The following PDE1C variants were observed in gnomAD, a reference collection of about 807,000 sequenced individuals.
PDE1C encodes dual specificity calcium/calmodulin-dependent 3',5'-cyclic nucleotide phosphodiesterase 1C.
In PDE1C, 62 loss-of-function variants were observed where a neutral mutation model predicts 93.1. The observed-to-expected ratio is 0.67, with a 90% confidence interval of 0.54 to 0.82. The LOEUF is 0.82. Among genes scored for constraint, PDE1C ranks in the 40% least tolerant of loss-of-function variants. The pLI is 0.00. For missense variants in PDE1C, 742 were observed against 884.6 expected (o/e 0.84, Z 2.04); for synonymous variants, 325 against 310.1 (o/e 1.05, Z -0.50).
chr7:31,802,823 G>A (rs962700762), intron 16 of PDE1C, among the ~76,000 whole-genome samples: 1 of 151,420 alleles, frequency 6.6e-6, no homozygotes, highest in African/African-American at 2.4e-5. Flanking sequence ...TTTTTCTCTG[G>A]CAGTTTTTAA....
At chr7:32,001,560 G>GC (rs1163636073) in intron 2 of PDE1C, among the ~76,000 whole-genome samples, 3 of 152,162 alleles carry the variant, frequency 2.0e-5, no homozygotes, top group African/African-American at 7.2e-5. Flanking sequence ...CCATAAAGGA[G>GC]TTCATCACTG....
chr7:32,344,475 C>T (rs1429949699), intron 1 of PDE1C, among the ~76,000 whole-genome samples: 1 of 152,160 alleles, frequency 6.6e-6, no homozygotes. Flanking sequence ...CTCGCTTTTC[C>T]TTGTTCATTC....
chr7:32,388,678 TAAAAAAAAAAAAAAA>T (rs5883343), intron 1 of PDE1C, among the ~76,000 whole-genome samples: 2 of 81,580 alleles, frequency 2.5e-5, no homozygotes, highest in East Asian at 7.6e-4. Flanking sequence ...GTCCCATTTC[TAAAAAAAAAAAAAAA>T]AAAAAAAAAA....
the PDE1C span, among the ~76,000 whole-genome samples, chr7:31,689,616 C>T: frequency 6.6e-6 from 1 of 152,136 alleles, no homozygotes; most frequent in African/African-American, 2.4e-5. Context: ...AAGAGCGCCC[C>T]TTCTCACTGA....
At chr7:32,269,502 T>G (rs1352009973) in intron 1 of PDE1C, among the ~76,000 whole-genome samples, 1 of 152,154 alleles carries the variant, frequency 6.6e-6, no homozygotes, top group Admixed American at 6.5e-5. Flanking sequence ...TCTTTTTAGA[T>G]GGAGTCTCGC....
At chr7:32,051,637 G>T in intron 1 of PDE1C, 57 bp from the exon 2 acceptor site, 1 of 1,476,342 alleles carries the variant, frequency 6.8e-7, no homozygotes, top group Non-Finnish European at 9.5e-7. Context: ...CAGTGGGTAA[G>T]AAAGGGATTA....
At chr7:31,882,084 G>GA (rs1328300073) in intron 2 of PDE1C, among the ~76,000 whole-genome samples, 2 of 151,992 alleles carry the variant, frequency 1.3e-5, no homozygotes, top group African/African-American at 2.4e-5. Context: ...TAAAGAATGA[G>GA]AAAAAATCTT....
At chr7:31,750,720 T>G (rs1794104682), downstream of PDE1C, among the ~76,000 whole-genome samples, 1 of 152,172 alleles carries the variant, frequency 6.6e-6, no homozygotes, top group Non-Finnish European at 1.5e-5. Context: ...AATTGTTTTT[T>G]TTGTTTTGTT....
At chr7:32,401,861 G>A (rs1295753802) in intron 1 of PDE1C, among the ~76,000 whole-genome samples, 1 of 152,158 alleles carries the variant, frequency 6.6e-6, no homozygotes, top group Non-Finnish European at 1.5e-5. Flanking sequence ...GAGAATATGG[G>A]CTTCAGTTTG....
At chr7:32,130,953 G>A (rs1030973189) in intron 3 of PDE1C, among the ~76,000 whole-genome samples, 4 of 151,530 alleles carry the variant, frequency 2.6e-5, no homozygotes, top group African/African-American at 9.7e-5. Context: ...ACTTTTACTG[G>A]GCATTTTGTG....
chr7:32,257,857 C>T (rs188593950), intron 1 of PDE1C, among the ~76,000 whole-genome samples: 11 of 152,278 alleles, frequency 7.2e-5, no homozygotes, highest in Admixed American at 5.9e-4. Flanking sequence ...GGAGCAGAAC[C>T]AAATATCCTC....
At chr7:32,077,002 C>T (rs1002494469) in intron 3 of PDE1C, among the ~76,000 whole-genome samples, 5 of 151,318 alleles carry the variant, frequency 3.3e-5, no homozygotes, top group Non-Finnish European at 7.4e-5. Flanking sequence ...TTTTGGAGGC[C>T]GAGGCAGGCA....
At chr7:31,639,982 A>G in the PDE1C span, among the ~76,000 whole-genome samples, 16 of 152,164 alleles carry the variant, frequency 1.1e-4, no homozygotes, top group Non-Finnish European at 2.1e-4. Flanking sequence ...ATTTTTTAAT[A>G]TATGCCACAC....
At chr7:31,680,333 G>A in the PDE1C span, among the ~76,000 whole-genome samples, 3 of 152,156 alleles carry the variant, frequency 2.0e-5, no homozygotes, top group South Asian at 4.1e-4. Context: ...CCGTTTCATT[G>A]ATGCAGGAGA....
At chr7:31,706,336 C>A in the PDE1C span, among the ~76,000 whole-genome samples, 1 of 151,922 alleles carries the variant, frequency 6.6e-6, no homozygotes, top group Non-Finnish European at 1.5e-5. Flanking sequence ...TAGTGTGGAG[C>A]CCAACATAGG....
intron 3 of PDE1C, among the ~76,000 whole-genome samples, chr7:32,083,779 T>A (rs1356273071): frequency 6.6e-6 from 1 of 151,938 alleles, no homozygotes; most frequent in African/African-American, 2.4e-5. Context: ...AGAAATAAAA[T>A]ACTTTACAGA....
intron 3 of PDE1C, among the ~76,000 whole-genome samples, chr7:32,128,836 C>T (rs1422418097): frequency 7.1e-6 from 1 of 140,044 alleles, no homozygotes; most frequent in Non-Finnish European, 1.5e-5. Flanking sequence ...GGGAAGCTTG[C>T]CATTAAACAA....
intron 3 of PDE1C, among the ~76,000 whole-genome samples, chr7:32,168,090 CAATAAATA>C (rs148238877): frequency 1.3e-5 from 2 of 151,852 alleles, no homozygotes; most frequent in African/African-American, 2.4e-5. Flanking sequence ...TTAAGGGTAC[CAATAAATA>C]AATAAATAAA....
intron 1 of PDE1C, among the ~76,000 whole-genome samples, chr7:32,406,550 T>A (rs1236438743): frequency 2.0e-5 from 3 of 146,900 alleles, no homozygotes; most frequent in East Asian, 2.0e-4. Context: ...AAAAAAAAAA[T>A]TGGAATCCAG....
Sources: allele counts gnomAD v4.1 joint callset (sites outside exome capture counted in the v4.1 genomes callset), GRCh38; gene constraint gnomAD v4.1.1; transcripts MANE v1.5; gene names NCBI Gene and HGNC (gene_info 2026-07-23, HGNC 2026-07-21).